Variants in GSE1 observed in about 807,000 individuals in gnomAD.
The protein encoded by GSE1 is genetic suppressor element 1.
In GSE1, 32 loss-of-function variants were observed where a neutral mutation model predicts 112.6. That is an observed-to-expected ratio of 0.28 (90% CI 0.21 to 0.38). The LOEUF is 0.38. GSE1 is among the 10% of genes least tolerant of loss of function. The pLI is 1.00. For synonymous variants in GSE1, 1,115 were observed against 735.6 expected (o/e 1.52, Z -8.35); for missense variants, 2,348 against 1,699.2 (o/e 1.38, Z -6.71).
intron 3 of GSE1, among the ~76,000 whole-genome samples, chr16:85,653,466 G>T (rs1485910628): frequency 6.6e-6 from 1 of 150,712 alleles, no homozygotes; most frequent in African/African-American, 2.4e-5. Flanking sequence ...AGGGACCTCA[G>T]CCCGGAAGGT....
At chr16:85,215,351 AT>A (rs1401202317) in intron 1 of GSE1, among the ~76,000 whole-genome samples, 4 of 151,970 alleles carry the variant, frequency 2.6e-5, no homozygotes, top group Non-Finnish European at 5.9e-5. Context: ...GAGCTAAGCT[AT>A]GAGTCCACAC....
chr16:85,650,507 C>T (rs1035899516), intron 3 of GSE1, among the ~76,000 whole-genome samples: 2 of 152,202 alleles, frequency 1.3e-5, no homozygotes, highest in Non-Finnish European at 1.5e-5. Flanking sequence ...CAGGACGCCT[C>T]GAGGGGATTC....
intron 1 of GSE1, among the ~76,000 whole-genome samples, chr16:85,195,323 C>T (rs1439628556): frequency 6.6e-6 from 1 of 152,046 alleles, no homozygotes; most frequent in Non-Finnish European, 1.5e-5. Flanking sequence ...ACCGGGCAGG[C>T]GAGTTGGAAG....
At chr16:85,562,917 G>A (rs1442902433) in intron 1 of GSE1, among the ~76,000 whole-genome samples, 1 of 152,198 alleles carries the variant, frequency 6.6e-6, no homozygotes, top group African/African-American at 2.4e-5. Context: ...ACCAGGCTGC[G>A]TCCTGTCATA....
intron 2 of GSE1, among the ~76,000 whole-genome samples, chr16:85,484,333 A>G (rs1193883458): frequency 6.6e-6 from 1 of 152,244 alleles, no homozygotes; most frequent in Non-Finnish European, 1.5e-5. Context: ...GGGAGCCTGG[A>G]TTCCCATTTC....
chr16:85,623,260 A>G (rs574360479), intron 1 of GSE1, among the ~76,000 whole-genome samples: 8 of 146,078 alleles, frequency 5.5e-5, no homozygotes, highest in African/African-American at 1.8e-4. Context: ...TGTCACCTAC[A>G]TTGCAGTGCA....
At position 85,385,851 on chromosome 16, in the gene GSE1, G is replaced by C. The variant is rs114694559; in HGVS notation, c.2464+28208G>C. Among the ~76,000 whole-genome samples the C allele has an allele frequency of 6.5e-3, 994 of 152,310 alleles. 11 individuals are homozygous for C. The highest frequency in any genetic ancestry group is 0.023 in the African/African-American group (960 of 41,560). On this transcript the variant is annotated intron_variant, in intron 2 of 2. Transcript: ENST00000637419. ...CCGCGGGTGACCCCCGGGCCAGGAC[G>C]GCTCCAGCTCCAGCTCCAGCTTGAG...
intron 2 of GSE1, 45 bp from the exon 3 acceptor site, chr16:85,648,507 C>T (rs1430068051): frequency 2.9e-6 from 3 of 1,033,514 alleles, no homozygotes; most frequent in Non-Finnish European, 2.8e-6. Flanking sequence ...CTGCACGTGG[C>T]TGTCACTGCG....
intron 1 of GSE1, among the ~76,000 whole-genome samples, chr16:85,618,471 C>A (rs116814052): frequency 3.0e-4 from 46 of 152,254 alleles, no homozygotes; most frequent in African/African-American, 1.0e-3. Context: ...TCTGACTGTT[C>A]GTATCTGCCT....
chr16:85,236,246 C>T (rs951802254), intron 1 of GSE1, among the ~76,000 whole-genome samples: 1 of 152,178 alleles, frequency 6.6e-6, no homozygotes, highest in African/African-American at 2.4e-5. Context: ...GGTGAAGGGC[C>T]GGGTCCTAGG....
At chr16:85,348,941 C>T (rs1407198889) in intron 1 of GSE1, among the ~76,000 whole-genome samples, 1 of 152,012 alleles carries the variant, frequency 6.6e-6, no homozygotes, top group African/African-American at 2.4e-5. Context: ...CTGCCCGAGA[C>T]AGCCAACCCC....
chr16:85,620,582 G>A (rs550207810), intron 1 of GSE1, among the ~76,000 whole-genome samples: 12 of 152,394 alleles, frequency 7.9e-5, no homozygotes, highest in African/African-American at 2.4e-4. Flanking sequence ...CCACGCGGTC[G>A]TCTCTGCCGC....
At chr16:85,256,762 C>G (rs984722144) in intron 1 of GSE1, among the ~76,000 whole-genome samples, 1 of 152,238 alleles carries the variant, frequency 6.6e-6, no homozygotes, top group East Asian at 1.9e-4. Context: ...GCCCTCTGGC[C>G]TCAGGACACA....
At chr16:85,249,551 A>G (rs904920512) in intron 1 of GSE1, among the ~76,000 whole-genome samples, 1 of 152,196 alleles carries the variant, frequency 6.6e-6, no homozygotes, top group Non-Finnish European at 1.5e-5. Flanking sequence ...CAGCGCCAGC[A>G]CCAGCACCAA....
rs1555559891 is a variant in GSE1 at position 85,312,209 on chromosome 16, G to GGGT, written c.2284-45252_2284-45251insTGG. ...TGGTCTCTCTGATCCTCTTGCGGGG[G>GGGT]GGGGGGGGACACACTTACCCCCAAA... On this transcript the variant is annotated intron_variant, in intron 1 of 2. Transcript: ENST00000637419. Among the ~76,000 whole-genome samples, 45 of 150,464 alleles carry GGGT rather than the reference G, an allele frequency of 3.0e-4. 7 individuals are homozygous for GGGT. The highest frequency in any genetic ancestry group is 1.1e-3 in the African/African-American group (44 of 39,976).
chr16:85,404,009 G>A (rs761587485), intron 2 of GSE1, among the ~76,000 whole-genome samples: 3 of 85,138 alleles, frequency 3.5e-5, no homozygotes, highest in Non-Finnish European at 7.1e-5. Flanking sequence ...CTCCCTCTCT[G>A]TGCCGTCCTT....
At chr16:85,454,095 T>C (rs2049759174) in intron 2 of GSE1, among the ~76,000 whole-genome samples, 1 of 152,016 alleles carries the variant, frequency 6.6e-6, no homozygotes, top group South Asian at 2.1e-4. Flanking sequence ...ACCCTGAACG[T>C]GGGGAGAATA....
intron 1 of GSE1, among the ~76,000 whole-genome samples, chr16:85,588,061 A>G (rs750305384): frequency 7.9e-5 from 12 of 152,096 alleles, no homozygotes; most frequent in Non-Finnish European, 1.6e-4. Flanking sequence ...CTCTTTCCAG[A>G]GGCCAGGGGA....
At chr16:85,194,130 T>C (rs1268780574) in intron 1 of GSE1, among the ~76,000 whole-genome samples, 3 of 152,170 alleles carry the variant, frequency 2.0e-5, no homozygotes, top group Non-Finnish European at 4.4e-5. Context: ...TCACTCTGAC[T>C]CCACGCCCCT....
Sources: allele counts gnomAD v4.1 joint callset (sites outside exome capture counted in the v4.1 genomes callset), GRCh38; gene constraint gnomAD v4.1.1; transcripts MANE v1.5; gene names NCBI Gene and HGNC (gene_info 2026-07-23, HGNC 2026-07-21).